Variants in PRR16 observed in about 807,000 individuals in gnomAD.
PRR16 encodes the protein proline rich 16.
In PRR16, 6 loss-of-function variants were observed where a neutral mutation model predicts 18.2. The ratio of observed to expected loss-of-function variants is 0.33; its 90% CI spans 0.18 to 0.65. PRR16 has a LOEUF of 0.65. Among genes scored for constraint, PRR16 ranks in the 30% least tolerant of loss-of-function variants. The probability of loss-of-function intolerance (pLI) is 0.74; values close to 1 mark genes in which losing one functional copy is unlikely to be tolerated. For missense variants in PRR16, 412 were observed against 376.6 expected (o/e 1.09, Z -0.78); for synonymous variants, 151 against 147.8 (o/e 1.02, Z -0.16).
At chr5:120,699,673 G>A in the PRR16 span, among the ~76,000 whole-genome samples, 23 of 152,296 alleles carry the variant, frequency 1.5e-4, no homozygotes, top group African/African-American at 4.8e-4. Flanking sequence ...AGTGGCAGCC[G>A]CTGCACGCAG....
intron 1 of PRR16, among the ~76,000 whole-genome samples, chr5:120,664,094 T>C (rs1028868156): frequency 4.6e-5 from 7 of 152,042 alleles, no homozygotes; most frequent in African/African-American, 1.7e-4. Context: ...AGGTCATGAG[T>C]TCGAGACCAG....
At chr5:120,524,051 C>T (rs542277101) in intron 1 of PRR16, among the ~76,000 whole-genome samples, 16 of 152,186 alleles carry the variant, frequency 1.1e-4, no homozygotes, top group African/African-American at 3.9e-4. Context: ...AGTTATATAA[C>T]ATTCATTGTT....
At chr5:120,728,341 C>A in the PRR16 span, among the ~76,000 whole-genome samples, 3 of 146,580 alleles carry the variant, frequency 2.0e-5, no homozygotes, top group Admixed American at 6.8e-5. Flanking sequence ...TTTTTTTACA[C>A]AGGATCCTGG....
the PRR16 span, among the ~76,000 whole-genome samples, chr5:120,748,482 GTA>G: frequency 6.6e-6 from 1 of 151,848 alleles, no homozygotes; most frequent in African/African-American, 2.4e-5. Context: ...CTTAAAAAAA[GTA>G]TCTTTCAATG....
rs73783452 is a variant in PRR16, at chr5:120,470,253, A to T, written c.159+5608A>T. On this transcript the variant is annotated intron_variant, in intron 1 of 1. Transcript: ENST00000407149. ...ATGACTGACATCAAGCTGCAAATAC[A>T]AAGTTAACAAACAACAAAGGGCACT... 9.6e-3 allele frequency among the ~76,000 whole-genome samples: 1,463 copies of T among 152,246 alleles called. 28 individuals carry two copies. The highest frequency in any genetic ancestry group is 0.033 in the African/African-American group (1,375 of 41,558).
chr5:120,732,305 G>A, the PRR16 span, among the ~76,000 whole-genome samples: 1 of 152,188 alleles, frequency 6.6e-6, no homozygotes, highest in Non-Finnish European at 1.5e-5. Context: ...ACGTGAGTAG[G>A]AGTAAAGGAA....
intron 1 of PRR16, among the ~76,000 whole-genome samples, chr5:120,566,560 A>G (rs1273985930): frequency 1.3e-5 from 2 of 152,170 alleles, no homozygotes; most frequent in African/African-American, 4.8e-5. Flanking sequence ...CTGAGGTGCT[A>G]TTGGCTGATG....
chr5:120,480,544 T>G (rs1006219476), intron 1 of PRR16, among the ~76,000 whole-genome samples: 1 of 152,242 alleles, frequency 6.6e-6, no homozygotes, highest in African/African-American at 2.4e-5. Context: ...ACTGACAATG[T>G]AGTACTATCT....
At chr5:120,775,557 C>T in the PRR16 span, among the ~76,000 whole-genome samples, 6 of 151,492 alleles carry the variant, frequency 4.0e-5, no homozygotes, top group South Asian at 8.3e-4. Context: ...CTGTTCATTT[C>T]TATTTCATTC....
At chr5:120,770,261 G>A in the PRR16 span, among the ~76,000 whole-genome samples, 1 of 151,814 alleles carries the variant, frequency 6.6e-6, no homozygotes, top group Non-Finnish European at 1.5e-5. Context: ...TAAGCCAGTA[G>A]AACAGAATAG....
At chr5:120,659,068 G>GA (rs1487768108) in intron 1 of PRR16, among the ~76,000 whole-genome samples, 1 of 151,728 alleles carries the variant, frequency 6.6e-6, no homozygotes, top group Non-Finnish European at 1.5e-5. Context: ...ATATTAGTTT[G>GA]ATTCCAAGTC....
At chr5:120,642,306 G>A (rs1252868307) in intron 1 of PRR16, among the ~76,000 whole-genome samples, 1 of 151,618 alleles carries the variant, frequency 6.6e-6, no homozygotes, top group Non-Finnish European at 1.5e-5. Context: ...GTTTATAGTG[G>A]GCAGAAACCT....
intron 1 of PRR16, among the ~76,000 whole-genome samples, chr5:120,666,396 A>G (rs1756377702): frequency 1.3e-5 from 2 of 151,920 alleles, no homozygotes; most frequent in African/African-American, 4.8e-5. Context: ...CAATCATGTC[A>G]TCTGCAAACA....
chr5:120,607,843 T>C (rs1049847424), intron 1 of PRR16, among the ~76,000 whole-genome samples: 39 of 151,990 alleles, frequency 2.6e-4, no homozygotes, highest in African/African-American at 8.5e-4. Flanking sequence ...CTTATATACC[T>C]GACACATTCT....
At chr5:120,711,501 C>T in the PRR16 span, among the ~76,000 whole-genome samples, 1 of 152,136 alleles carries the variant, frequency 6.6e-6, no homozygotes, top group Non-Finnish European at 1.5e-5. Flanking sequence ...CTACCCCAAG[C>T]TGATTAAGTT....
intron 1 of PRR16, among the ~76,000 whole-genome samples, chr5:120,553,596 TCA>T (rs774094079): frequency 6.6e-6 from 1 of 151,918 alleles, no homozygotes; most frequent in Non-Finnish European, 1.5e-5. Context: ...AAAGCCAAAC[TCA>T]CAGCAATGAG....
At chr5:120,756,746 T>C in the PRR16 span, among the ~76,000 whole-genome samples, 1 of 152,068 alleles carries the variant, frequency 6.6e-6, no homozygotes, top group African/African-American at 2.4e-5. Context: ...GTATAGGTTG[T>C]GTGTTGACTG....
the PRR16 span, among the ~76,000 whole-genome samples, chr5:120,744,510 G>A: frequency 1.3e-5 from 2 of 152,270 alleles, no homozygotes; most frequent in African/African-American, 4.8e-5. Context: ...CTCTGTGCCT[G>A]CAAAATAACT....
At chr5:120,544,434 A>C (rs1276091590) in intron 1 of PRR16, among the ~76,000 whole-genome samples, 1 of 152,116 alleles carries the variant, frequency 6.6e-6, no homozygotes, top group Non-Finnish European at 1.5e-5. Flanking sequence ...TAGACTTCAA[A>C]CATTTTTGCT....
Sources: allele counts gnomAD v4.1 joint callset (sites outside exome capture counted in the v4.1 genomes callset), GRCh38; gene constraint gnomAD v4.1.1; transcripts MANE v1.5; gene names NCBI Gene and HGNC (gene_info 2026-07-23, HGNC 2026-07-21).